FHAD1: variants seen among roughly 807,000 people sequenced by gnomAD.
FHAD1 encodes the protein forkhead associated phosphopeptide binding domain 1.
In FHAD1, 146 loss-of-function variants were observed where a neutral mutation model predicts 191.3. That is an observed-to-expected ratio of 0.76 (90% CI 0.67 to 0.88). The LOEUF (loss-of-function observed/expected upper bound fraction) is 0.88. Ranked by LOEUF, FHAD1 falls within the 40% of genes least tolerant of loss-of-function variation. FHAD1 has a pLI of 0.00. For synonymous variants in FHAD1, 616 were observed against 672.3 expected (o/e 0.92, Z 1.29); for missense variants, 1,635 against 1,785.8 (o/e 0.92, Z 1.52).
At chr1:15,288,797 TTGA>T (rs1663429331) in intron 3 of FHAD1, among the ~76,000 whole-genome samples, 1 of 152,170 alleles carries the variant, frequency 6.6e-6, no homozygotes, top group Non-Finnish European at 1.5e-5. Context: ...CCTCCGAGTG[TTGA>T]TATCACAGAG....
At chr1:15,339,341 C>T (rs958290435) in intron 14 of FHAD1, 140 bp from the exon 15 acceptor site, 2 of 374,092 alleles carry the variant, frequency 5.3e-6, no homozygotes, top group Non-Finnish European at 1.0e-5. Context: ...TGCCCGGCTG[C>T]TTATCAACTA....
chr1:15,360,682 A>G lies in FHAD1; in HGVS notation c.2941A>G (p.Thr981Ala). Residue 981 changes from threonine (T) to alanine (A), a missense_variant, in exon 22 of 34, where the codon ACA (threonine) becomes GCA (alanine). By Grantham distance (58) the Thr-to-Ala change is moderately conservative. Coordinates refer to ENST00000688493, the MANE Select transcript of FHAD1 (RefSeq NM_001391957.1). ...TAAAAAAATAGAAGGCGAGATTGCA[A>G]CATTGAAGGACAATGACCCAGGTAA... ...HHKKIEGEIATLKDNDPAPKE... is the reference protein window; with the variant it reads ...HHKKIEGEIAALKDNDPAPKE... The G allele has an allele frequency of 2.6e-6, 4 of 1,551,750 alleles. No individual in the cohort carries two copies. Among genetic ancestry groups the G allele is most frequent in the African/African-American group, 1.4e-5 (1 of 73,168 alleles).
intron 26 of FHAD1, 39 bp downstream of exon 26, chr1:15,369,541 A>C: frequency 1.9e-6 from 3 of 1,548,786 alleles, no homozygotes; most frequent in Non-Finnish European, 2.6e-6. Context: ...AAGGATGTGC[A>C]AAGACACAGC....
chr1:15,241,974 C>A lies in FHAD1; in HGVS notation c.-15+5213C>A, dbSNP rs191998052. ...AAAAGGCCGGGTGCAGTGGCTCACG[C>A]CTCTAATCCCAGCACTCTGGGAAGC... On this transcript the variant is annotated intron_variant, in intron 1 of 33. Coordinates refer to the FHAD1 transcript ENST00000683790. Among the ~76,000 whole-genome samples, 26 of 152,306 alleles carry A rather than the reference C, an allele frequency of 1.7e-4. No individual in the cohort carries two copies. In the East Asian group the frequency reaches 5.0e-3, roughly 29 times the overall value.
chr1:15,327,119 G>A lies in FHAD1; in HGVS notation c.1534G>A (p.Asp512Asn), dbSNP rs1679019590. The A allele has an allele frequency of 1.3e-6, 2 of 1,551,320 alleles. No homozygotes were observed. The highest frequency in any genetic ancestry group is 1.7e-6 in the Non-Finnish European group (2 of 1,146,842). Residue 512 changes from aspartate (D) to asparagine (N), a missense_variant, in exon 12 of 34, where the codon GAC becomes AAC. Transcript: ENST00000688493. This position sits in a 1 kb window ranked among gnomAD's most constrained non-coding sequence, Gnocchi z 5.1. ...ATYGRAKPFR[D>N]KPVTDQQLIE... ...CTATGGACGGGCGAAGCCGTTCCGG[G>A]ACAAGCCCGTCACCGACCAACAGGT...
At position 15,318,861 on chromosome 1, in the gene FHAD1, C is replaced by T. The variant is rs1435718370; in HGVS notation, c.1365+933C>T. On this transcript the variant is annotated intron_variant, in intron 10 of 33. Coordinates refer to ENST00000688493, the MANE Select transcript of FHAD1 (RefSeq NM_001391957.1). The surrounding 1 kb of genome is among the most constrained non-coding windows in gnomAD (Gnocchi z 4.1). ...TTGTATAAAAGATGCTTATGGATCACACATTTATTTTAATTTTTTTAACTG... is the reference window on the plus strand; with the variant it reads ...TTGTATAAAAGATGCTTATGGATCATACATTTATTTTAATTTTTTTAACTG... Among the ~76,000 whole-genome samples the T allele has an allele frequency of 1.3e-5, 2 of 152,144 alleles. No individual in the cohort carries two copies. Among genetic ancestry groups the T allele is most frequent in the Non-Finnish European group, 2.9e-5 (2 of 68,036 alleles).
intron 21 of FHAD1, among the ~76,000 whole-genome samples, chr1:15,359,894 G>A (rs1363906140): frequency 6.6e-6 from 1 of 151,992 alleles, no homozygotes. Context: ...AGCTTGCAGT[G>A]AGCCGAGATC....
chr1:15,313,434 G>A lies in FHAD1; in HGVS notation c.1170+247G>A, dbSNP rs536738679. ...CACCTTTTCAAAGATCGGCGTGCAC[G>A]TGCCCCAGAATAAGCAAGATGTAGC... On this transcript the variant is annotated intron_variant, in intron 8 of 33. Transcript: ENST00000688493. 6.6e-5 allele frequency among the ~76,000 whole-genome samples: 10 copies of A among 152,280 alleles called. No homozygotes were observed. In the South Asian group the frequency reaches 1.0e-3, roughly 16 times the overall value.
chr1:15,329,311 G>A lies in FHAD1; in HGVS notation c.1711-35G>A. 6.7e-7 allele frequency: 1 copy of A among 1,502,808 alleles called. No individual in the cohort carries two copies. Among genetic ancestry groups the A allele is most frequent in the East Asian group, 2.5e-5 (1 of 40,128 alleles). 93.1% of individuals were successfully genotyped at this position (1,502,808 alleles called of 1,614,324 possible). ...ACGTCAGGGGCTATTTCTGGCCACA[G>A]GGCCTGGGCTCCTCATGATCTCACC... On this transcript the variant is annotated intron_variant, in intron 13 of 33. Coordinates refer to ENST00000688493, the MANE Select transcript of FHAD1 (RefSeq NM_001391957.1). The surrounding 1 kb of genome is among the most constrained non-coding windows in gnomAD (Gnocchi z 5.0).
intron 2 of FHAD1, among the ~76,000 whole-genome samples, chr1:15,261,464 C>T (rs146052562): frequency 2.6e-5 from 4 of 152,266 alleles, no homozygotes; most frequent in South Asian, 2.1e-4. Context: ...TCTTTCGAGC[C>T]GTCAGTGCAC....
chr1:15,400,871 A>T (rs1398653832), downstream of FHAD1, among the ~76,000 whole-genome samples: 1 of 152,220 alleles, frequency 6.6e-6, no homozygotes, highest in African/African-American at 2.4e-5. Flanking sequence ...TCAAGTTTCT[A>T]CTTGCCTTAT....
intron 6 of FHAD1, among the ~76,000 whole-genome samples, chr1:15,302,712 C>T (rs989016964): frequency 9.3e-5 from 14 of 150,628 alleles, no homozygotes; most frequent in Admixed American, 7.3e-4. Flanking sequence ...AGCGAGACTC[C>T]GTCTCAAAAA....
chr1:15,274,206 G>C (rs1381124095), intron 3 of FHAD1, among the ~76,000 whole-genome samples: 3 of 152,224 alleles, frequency 2.0e-5, no homozygotes, highest in African/African-American at 7.2e-5. Flanking sequence ...GTGAACCTAA[G>C]TGTACAAATT....
At position 15,237,036 on chromosome 1, in the gene FHAD1, C is replaced by T. The variant is rs139295160; in HGVS notation, c.-15+275C>T. Among the ~76,000 whole-genome samples, 52 of 152,236 alleles carry T rather than the reference C, an allele frequency of 3.4e-4. No homozygotes were observed. The East Asian group carries it at 6.0e-3, about 18-fold the overall frequency. ...CTTGCTGCCGCCATGTTAAGAGGGA[C>T]GCGTTTGCTTCCCCTTCCACCATGA... is the stretch of plus-strand genomic sequence containing the variant. On this transcript the variant is annotated intron_variant, in intron 1 of 33. Transcript: ENST00000683790.
At chr1:15,321,038 A>G (rs1274720771) in intron 10 of FHAD1, among the ~76,000 whole-genome samples, 2 of 152,120 alleles carry the variant, frequency 1.3e-5, no homozygotes, top group African/African-American at 4.8e-5. Context: ...GGGTTCAAGC[A>G]ATTGTCCTGC....
chr1:15,366,622 G>A (rs1696567777), intron 24 of FHAD1, among the ~76,000 whole-genome samples: 1 of 152,190 alleles, frequency 6.6e-6, no homozygotes, highest in Non-Finnish European at 1.5e-5. Flanking sequence ...ACTAGCTTTG[G>A]GACCTAGGGC....
chr1:15,271,138 CGGAAAAAAA>C (rs1429053087), intron 2 of FHAD1, among the ~76,000 whole-genome samples: 3 of 67,578 alleles, frequency 4.4e-5, no homozygotes, highest in African/African-American at 2.0e-4. Flanking sequence ...GACTCCATCT[CGGAAAAAAA>C]AAAAAAAAAA....
Position 15,316,369 on chromosome 1 carries a change from T to A in FHAD1, c.1171-9T>A, listed in dbSNP as rs1674463430. The A allele has an allele frequency of 6.4e-7, 1 of 1,551,346 alleles. No individual in the cohort carries two copies. The highest frequency in any genetic ancestry group is 1.4e-5 in the African/African-American group (1 of 73,134). Reference sequence around the variant, plus strand: ...TTGGCCTCTTTCTGTGTTGCCCTTTTCTCCACAGTGCTCGGTGCTAAAGGA... The same window carrying A: ...TTGGCCTCTTTCTGTGTTGCCCTTTACTCCACAGTGCTCGGTGCTAAAGGA... On this transcript the variant is annotated splice_polypyrimidine_tract_variant and intron_variant, in intron 8 of 33. Coordinates refer to ENST00000688493, the MANE Select transcript of FHAD1 (RefSeq NM_001391957.1). This position sits in a 1 kb window ranked among gnomAD's most constrained non-coding sequence, Gnocchi z 4.3.
At chr1:15,355,086 G>A (rs186096555) in intron 20 of FHAD1, among the ~76,000 whole-genome samples, 1 of 152,250 alleles carries the variant, frequency 6.6e-6, no homozygotes, top group African/African-American at 2.4e-5. Context: ...GTGCATGCTT[G>A]TAATCCCAGC....
Sources: gnomAD v4.1 joint callset for allele counts (sites outside exome capture counted in the v4.1 genomes callset) on GRCh38, gnomAD v4.1.1 for gene constraint, Gnocchi (gnomAD v3.1) non-coding constraint, MANE v1.5 for transcripts, NCBI Gene and HGNC (gene_info 2026-07-23, HGNC 2026-07-21) for gene names.